The following KCNAB1 variants were observed in gnomAD, a reference collection of about 807,000 sequenced individuals.
The protein encoded by KCNAB1 is voltage-gated potassium channel subunit beta-1.
Under a neutral mutation model 64.6 loss-of-function variants are expected in KCNAB1, and 35 were observed. That is an observed-to-expected ratio of 0.54 (90% CI 0.41 to 0.72). KCNAB1 has a LOEUF of 0.72. Ranked by LOEUF, KCNAB1 falls within the 30% of genes least tolerant of loss-of-function variation. The probability of loss-of-function intolerance (pLI) is 0.00; values close to 1 mark genes in which losing one functional copy is unlikely to be tolerated. For synonymous variants in KCNAB1, 177 were observed against 183.8 expected, an observed-to-expected ratio of 0.96 and a Z score of 0.30; for missense variants, 401 against 512.9, an observed-to-expected ratio of 0.78 and a Z score of 2.11.
rs147162357 is a variant in KCNAB1, at chr3:156,358,073, AT to A, written c.276-63541del. On this transcript the variant is annotated intron_variant, in intron 1 of 13. Coordinates refer to ENST00000490337, the MANE Select transcript of KCNAB1 (RefSeq NM_172160.3). Reference sequence around the variant, plus strand: ...TTCAGTTTCTTAATTATGCTAACGAATTATTGTTGTTTTGAGTAAACAACAG... The same window carrying A: ...TTCAGTTTCTTAATTATGCTAACGAATATTGTTGTTTTGAGTAAACAACAG... 8.3e-3 allele frequency among the ~76,000 whole-genome samples: 1,257 copies of A among 152,276 alleles called. 20 individuals are homozygous for A. The highest frequency in any genetic ancestry group is 0.029 in the African/African-American group (1,212 of 41,552).
At chr3:156,355,440 A>G (rs2108094586) in intron 1 of KCNAB1, among the ~76,000 whole-genome samples, 1 of 152,280 alleles carries the variant, frequency 6.6e-6, no homozygotes, top group South Asian at 2.1e-4. Flanking sequence ...CAGTTTCCTC[A>G]TTGACATTCA....
intron 1 of KCNAB1, among the ~76,000 whole-genome samples, chr3:156,397,805 C>T (rs1464287388): frequency 6.6e-6 from 1 of 152,080 alleles, no homozygotes; most frequent in African/African-American, 2.4e-5. Flanking sequence ...GAACCATTAC[C>T]ACACTCATTG....
intron 1 of KCNAB1, among the ~76,000 whole-genome samples, chr3:156,383,134 G>A (rs1443591008): frequency 2.6e-5 from 4 of 152,214 alleles, no homozygotes; most frequent in Non-Finnish European, 5.9e-5. Context: ...TGCAAAATAG[G>A]CAGTGTGAAG....
intron 1 of KCNAB1, among the ~76,000 whole-genome samples, chr3:156,285,919 A>G (rs1720076341): frequency 6.6e-6 from 1 of 152,282 alleles, no homozygotes; most frequent in Non-Finnish European, 1.5e-5. Context: ...CAAATTCAGG[A>G]AATAATCATT....
chr3:156,332,560 G>C (rs1723413569), intron 1 of KCNAB1, among the ~76,000 whole-genome samples: 1 of 152,128 alleles, frequency 6.6e-6, no homozygotes, highest in Non-Finnish European at 1.5e-5. Flanking sequence ...GTTTTTCAGA[G>C]TGTCGTGACA....
chr3:156,231,423 A>G (rs1339091380), intron 1 of KCNAB1, among the ~76,000 whole-genome samples: 3 of 151,934 alleles, frequency 2.0e-5, no homozygotes, highest in Non-Finnish European at 4.4e-5. Flanking sequence ...AAATTGCCCT[A>G]CAAAATCTCT....
chr3:156,459,854 C>A lies in KCNAB1; in HGVS notation c.465C>A (p.Ile155=). 6.2e-7 allele frequency: 1 copy of A among 1,610,394 alleles called. No individual in the cohort carries two copies. The highest frequency in any genetic ancestry group is 8.5e-7 in the Non-Finnish European group (1 of 1,177,024). The change falls in exon 5 of 14, where the codon ATC becomes ATA. Residue 155 remains isoleucine, a synonymous_variant. Transcript: ENST00000490337. ...GKAEVILGSI[I]KKKGWRRSSL... ...CTGAAGTGATTCTGGGGAGCATCAT[C>A]AAGAAGAAAGGCTGGAGGTATTGCA...
chr3:156,418,841 A>C (rs1235414629), intron 1 of KCNAB1, among the ~76,000 whole-genome samples: 1 of 152,256 alleles, frequency 6.6e-6, no homozygotes, highest in Non-Finnish European at 1.5e-5. Context: ...TGGAAAAATA[A>C]TTAAAAGTAT....
chr3:156,538,657 T>TATG (rs1719241630), downstream of KCNAB1: 1 of 152,266 alleles, frequency 6.6e-6, no homozygotes, highest in Non-Finnish European at 1.5e-5. Context: ...ATTTTCCATA[T>TATG]ATGTAAAACA....
At chr3:156,248,186 C>T (rs114076605) in intron 1 of KCNAB1, among the ~76,000 whole-genome samples, 4,370 of 152,200 alleles carry the variant, frequency 0.029, 89 homozygotes, top group African/African-American at 0.042. Context: ...AACTATATTC[C>T]ATATTTTGCA....
chr3:156,260,239 T>G (rs1189620964), intron 1 of KCNAB1, among the ~76,000 whole-genome samples: 9 of 152,314 alleles, frequency 5.9e-5, no homozygotes, highest in Admixed American at 1.3e-4. Flanking sequence ...TAGCAAACCA[T>G]GTTCTGTTGT....
In KCNAB1 at chr3:156,136,763, G is replaced by A. The variant is rs985638999; in HGVS notation, c.275+15877G>A. 8.5e-5 allele frequency among the ~76,000 whole-genome samples: 13 copies of A among 152,288 alleles called. No individual in the cohort carries two copies. In the South Asian group the frequency reaches 1.0e-3, roughly 12 times the overall value. On this transcript the variant is annotated intron_variant, in intron 1 of 13. Transcript: ENST00000490337. The stretch of plus-strand genomic sequence containing the variant: ...TGGGCCCCATGGACCATTTCCCTTC[G>A]TTTAGCTTTAGACTAAGGCCACATT...
intron 1 of KCNAB1, among the ~76,000 whole-genome samples, chr3:156,284,742 G>A (rs890224237): frequency 3.3e-5 from 5 of 152,182 alleles, no homozygotes; most frequent in African/African-American, 1.2e-4. Flanking sequence ...AGGTGCGTCC[G>A]TCACCCCTTT....
At chr3:156,421,129 A>C (rs928479681) in intron 1 of KCNAB1, among the ~76,000 whole-genome samples, 9 of 152,248 alleles carry the variant, frequency 5.9e-5, no homozygotes, top group Non-Finnish European at 1.3e-4. Flanking sequence ...TCAGTAAGTC[A>C]AAAATATTTA....
chr3:156,504,007 C>T (rs1214840368), intron 8 of KCNAB1, among the ~76,000 whole-genome samples: 1 of 152,154 alleles, frequency 6.6e-6, no homozygotes, highest in Admixed American at 6.5e-5. Flanking sequence ...GAACTTATTC[C>T]TCCTATCTGG....
chr3:156,407,741 C>A (rs963006050), intron 1 of KCNAB1, among the ~76,000 whole-genome samples: 1 of 152,212 alleles, frequency 6.6e-6, no homozygotes, highest in African/African-American at 2.4e-5. Context: ...AAACACTTAA[C>A]CCCACACCCC....
At chr3:156,264,458 C>T (rs1233063685) in intron 1 of KCNAB1, among the ~76,000 whole-genome samples, 1 of 151,874 alleles carries the variant, frequency 6.6e-6, no homozygotes, top group African/African-American at 2.4e-5. Context: ...TTTTGTCACT[C>T]TGTTCCTCTT....
At chr3:156,201,500 G>T (rs1326357572) in intron 1 of KCNAB1, among the ~76,000 whole-genome samples, 1 of 152,170 alleles carries the variant, frequency 6.6e-6, no homozygotes, top group Admixed American at 6.5e-5. Flanking sequence ...GGGTGAGTGG[G>T]TCCACTGTAG....
At chr3:156,505,453 T>C (rs1716770588) in intron 8 of KCNAB1, among the ~76,000 whole-genome samples, 1 of 152,208 alleles carries the variant, frequency 6.6e-6, no homozygotes, top group Non-Finnish European at 1.5e-5. Context: ...AATTGGAATT[T>C]TGATAGGGAT....
Sources: allele counts gnomAD v4.1 joint callset (sites outside exome capture counted in the v4.1 genomes callset), GRCh38; gene constraint gnomAD v4.1.1; transcripts MANE v1.5; gene names NCBI Gene and HGNC (gene_info 2026-07-23, HGNC 2026-07-21).